LHPP: variants seen among roughly 807,000 people sequenced by gnomAD.
The protein encoded by LHPP is phospholysine phosphohistidine inorganic pyrophosphate phosphatase.
Under a neutral mutation model 30.3 loss-of-function variants are expected in LHPP, and 24 were observed. The observed-to-expected ratio is 0.79, with a 90% confidence interval of 0.57 to 1.11. LHPP has a LOEUF of 1.11. Among genes scored for constraint, LHPP ranks in the 50% most tolerant of loss-of-function variants. The pLI, the probability that LHPP is intolerant of heterozygous loss-of-function variation, is 0.00. For missense variants in LHPP, 356 were observed against 367.2 expected (o/e 0.97, Z 0.25); for synonymous variants, 150 against 157.1 (o/e 0.95, Z 0.34).
At chr10:124,515,001 G>C (rs557436369) in intron 5 of LHPP, among the ~76,000 whole-genome samples, 3 of 151,656 alleles carry the variant, frequency 2.0e-5, no homozygotes, top group Non-Finnish European at 2.9e-5. Flanking sequence ...AGGGTCTTGC[G>C]GTGTTGCCTA....
intron 5 of LHPP, among the ~76,000 whole-genome samples, chr10:124,506,952 G>T (rs1192691727): frequency 5.4e-5 from 2 of 36,984 alleles, no homozygotes; most frequent in Non-Finnish European, 1.1e-4. Flanking sequence ...GGGTAGGGAG[G>T]ATTTCAGGTG....
At chr10:124,560,438 C>G (rs528586111) in intron 6 of LHPP, among the ~76,000 whole-genome samples, 17 of 152,206 alleles carry the variant, frequency 1.1e-4, no homozygotes, top group Non-Finnish European at 2.2e-4. Flanking sequence ...TCTGCGTTTG[C>G]AATTTGGCCT....
chr10:124,574,547 C>T (rs1465253400), intron 6 of LHPP, among the ~76,000 whole-genome samples: 2 of 152,122 alleles, frequency 1.3e-5, no homozygotes, highest in East Asian at 1.9e-4. Flanking sequence ...CTCCCAGGGC[C>T]GATCTGAACC....
intron 6 of LHPP, among the ~76,000 whole-genome samples, chr10:124,546,826 A>C (rs1339370070): frequency 6.6e-6 from 1 of 152,130 alleles, no homozygotes; most frequent in Non-Finnish European, 1.5e-5. Context: ...CCACAGGCGT[A>C]CTTACTTTGT....
chr10:124,542,357 G>A (rs1394880361), intron 6 of LHPP, among the ~76,000 whole-genome samples: 1 of 152,218 alleles, frequency 6.6e-6, no homozygotes, highest in Non-Finnish European at 1.5e-5. Context: ...AGAGAGGTAC[G>A]AATACATCTC....
intron 3 of LHPP, among the ~76,000 whole-genome samples, chr10:124,489,569 C>G (rs1359499104): frequency 6.6e-6 from 1 of 152,180 alleles, no homozygotes; most frequent in Non-Finnish European, 1.5e-5. Context: ...ATTCTCCTGC[C>G]TCAGCCTCCT....
At chr10:124,564,424 ATT>A (rs898282645) in intron 6 of LHPP, among the ~76,000 whole-genome samples, 1 of 146,244 alleles carries the variant, frequency 6.8e-6, no homozygotes, top group African/African-American at 2.5e-5. Flanking sequence ...CGCCCGGCCA[ATT>A]TTTTTTTTTA....
chr10:124,567,191 T>C (rs1389706080), intron 6 of LHPP, among the ~76,000 whole-genome samples: 1 of 152,238 alleles, frequency 6.6e-6, no homozygotes, highest in African/African-American at 2.4e-5. Flanking sequence ...CTGCTGTGAT[T>C]GTGTCAGGAC....
rs1010791386 is a variant in LHPP, at chr10:124,488,334, A to C, written c.314-88A>C. ...AATGCATCTGAGAAAGGGGGAGGAC[A>C]TGTGAAAGGTGTCCCTGGTAGGAGA... On this transcript the variant is annotated intron_variant, in intron 2 of 6. Transcript: ENST00000368842. 3 of 1,151,892 alleles carry C rather than the reference A, an allele frequency of 2.6e-6. No homozygotes were observed. In the African/African-American group the frequency reaches 4.7e-5, roughly 18 times the overall value. 71.4% of individuals were successfully genotyped at this position (1,151,892 alleles called of 1,614,324 possible).
At chr10:124,530,819 G>T (rs566649771) in intron 6 of LHPP, among the ~76,000 whole-genome samples, 56 of 152,332 alleles carry the variant, frequency 3.7e-4, no homozygotes, top group Non-Finnish European at 7.1e-4. Context: ...ACAGCGCACA[G>T]GGCCGAGGGC....
At chr10:124,553,038 G>A (rs770557848) in intron 6 of LHPP, among the ~76,000 whole-genome samples, 2 of 152,228 alleles carry the variant, frequency 1.3e-5, no homozygotes, top group African/African-American at 2.4e-5. Context: ...TCAGCGCTCC[G>A]CGGCCTCCTA....
chr10:124,568,708 C>A (rs532530101), intron 6 of LHPP, among the ~76,000 whole-genome samples: 13 of 152,336 alleles, frequency 8.5e-5, no homozygotes, highest in African/African-American at 3.1e-4. Flanking sequence ...TAATGCTCTT[C>A]ATCCTAGACC....
At chr10:124,535,572 C>CG (rs1955002515) in intron 6 of LHPP, among the ~76,000 whole-genome samples, 1 of 118,326 alleles carries the variant, frequency 8.5e-6, no homozygotes, top group Non-Finnish European at 1.8e-5. Context: ...ATTAAAAAAA[C>CG]ATTTTTTTTT....
intron 3 of LHPP, among the ~76,000 whole-genome samples, chr10:124,492,075 A>T (rs4246200): frequency 1.3e-5 from 2 of 152,036 alleles, no homozygotes; most frequent in African/African-American, 2.4e-5. Flanking sequence ...CAGCAGCCAT[A>T]GCTGGAGCCA....
At chr10:124,605,809 A>G (rs1949084059) in intron 6 of LHPP, among the ~76,000 whole-genome samples, 2 of 118,550 alleles carry the variant, frequency 1.7e-5, no homozygotes, top group African/African-American at 3.3e-5. Context: ...GCTGCAAAAG[A>G]GGAGAGGGGG....
intron 6 of LHPP, among the ~76,000 whole-genome samples, chr10:124,530,999 G>A (rs1050368129): frequency 1.3e-5 from 2 of 152,172 alleles, no homozygotes; most frequent in Non-Finnish European, 2.9e-5. Flanking sequence ...TGTTCCCTGC[G>A]AGTTTGGAGA....
intron 5 of LHPP, among the ~76,000 whole-genome samples, chr10:124,511,586 C>T (rs528809155): frequency 3.4e-4 from 52 of 152,154 alleles, no homozygotes; most frequent in Non-Finnish European, 6.3e-4. Flanking sequence ...CACCACCATC[C>T]GCCGTGGCTT....
intron 6 of LHPP, among the ~76,000 whole-genome samples, chr10:124,602,145 G>A (rs180934930): frequency 6.6e-6 from 1 of 152,340 alleles, no homozygotes; most frequent in African/African-American, 2.4e-5. Context: ...TGCCCAGGGA[G>A]GATCTGCTGA....
rs1948909162 is a variant in LHPP, at chr10:124,593,718, C to T, written c.717-19546C>T. On this transcript the variant is annotated intron_variant, in intron 6 of 6. Transcript: ENST00000368842. The surrounding 1 kb of genome is among the most constrained non-coding windows in gnomAD (Gnocchi z 4.9). ...CGGTGGCTGAGGAGAGGGGTTGGGG[C>T]GAGGACCAGCTCTGGGCAGTCTCCA... 6.6e-6 allele frequency among the ~76,000 whole-genome samples: 1 copy of T among 152,218 alleles called. No individual in the cohort carries two copies. The highest frequency in any genetic ancestry group is 2.1e-4 in the South Asian group (1 of 4,832).
Sources: gnomAD v4.1 joint callset for allele counts (sites outside exome capture counted in the v4.1 genomes callset) on GRCh38, gnomAD v4.1.1 for gene constraint, Gnocchi (gnomAD v3.1) non-coding constraint, MANE v1.5 for transcripts, NCBI Gene and HGNC (gene_info 2026-07-23, HGNC 2026-07-21) for gene names.